Variants in RALB observed in about 807,000 individuals in gnomAD.
RALB encodes the protein ras-related protein Ral-B.
A neutral mutation model predicts 21.3 loss-of-function variants in RALB; 16 were observed. The observed-to-expected ratio is 0.75, with a 90% confidence interval of 0.51 to 1.14. The LOEUF is 1.14. Ranked by LOEUF, RALB falls within the 50% of genes most tolerant of loss-of-function variation. The probability of loss-of-function intolerance (pLI) is 0.00; values close to 1 mark genes in which losing one functional copy is unlikely to be tolerated. For missense variants in RALB, 161 were observed against 256.2 expected (o/e 0.63, Z 2.54); for synonymous variants, 93 against 96.1 (o/e 0.97, Z 0.19).
At position 120,253,099 on chromosome 2, in the gene RALB, G is replaced by A. The variant is rs564294029; in HGVS notation, c.-48+119G>A. On this transcript the variant is annotated intron_variant, in intron 1 of 4. Transcript: ENST00000272519. ...GCCGGGCTGTGGCCGGGCGGCGGCA[G>A]GACATGTCGCGCCCCGAGGCCGGCG... 60 of 711,026 alleles carry A rather than the reference G, an allele frequency of 8.4e-5. No individual in the cohort carries two copies. The African/African-American group carries it at 1.1e-3, about 13-fold the overall frequency. The allele number at this position is 711,026 out of a possible 1,614,324, so 44.0% of individuals were successfully genotyped here.
chr2:120,243,941 C>G (rs1308066093), intron 1 of RALB, among the ~76,000 whole-genome samples: 1 of 152,048 alleles, frequency 6.6e-6, no homozygotes, highest in Non-Finnish European at 1.5e-5. Flanking sequence ...CTACCCGAGA[C>G]TGGGTAATTT....
At chr2:120,278,183 G>A (rs1365264943) in intron 1 of RALB, among the ~76,000 whole-genome samples, 6 of 152,052 alleles carry the variant, frequency 3.9e-5, no homozygotes, top group Non-Finnish European at 8.8e-5. Flanking sequence ...GGGGTAGAGG[G>A]TAAGAGGGCA....
chr2:120,275,168 T>C (rs959790448), intron 1 of RALB, among the ~76,000 whole-genome samples: 22 of 152,244 alleles, frequency 1.4e-4, no homozygotes, highest in African/African-American at 5.3e-4. Context: ...ACAGATGGTG[T>C]GCTCCTTCAA....
intron 3 of RALB, among the ~76,000 whole-genome samples, chr2:120,288,582 A>T (rs2104661738): frequency 6.6e-6 from 1 of 152,260 alleles, no homozygotes; most frequent in East Asian, 1.9e-4. Context: ...TTTAGAATGT[A>T]TTGGCATATA....
intron 1 of RALB, among the ~76,000 whole-genome samples, chr2:120,277,201 ATG>A (rs1689818085): frequency 6.6e-6 from 1 of 152,038 alleles, no homozygotes; most frequent in South Asian, 2.1e-4. Flanking sequence ...AACCAGAGGG[ATG>A]TGTGGGGCTG....
At chr2:120,259,137 C>T (rs1483228546) in intron 1 of RALB, among the ~76,000 whole-genome samples, 2 of 152,112 alleles carry the variant, frequency 1.3e-5, no homozygotes, top group Non-Finnish European at 2.9e-5. Context: ...GCAGCGTGGA[C>T]CCAAAGAGTG....
chr2:120,285,330 C>T (rs891980143), intron 2 of RALB, among the ~76,000 whole-genome samples: 17 of 152,248 alleles, frequency 1.1e-4, no homozygotes, highest in African/African-American at 3.6e-4. Context: ...GATGATAATT[C>T]GGATTACAAC....
chr2:120,258,698 T>G (rs560584556), intron 1 of RALB, among the ~76,000 whole-genome samples: 1 of 152,242 alleles, frequency 6.6e-6, no homozygotes, highest in South Asian at 2.1e-4. Flanking sequence ...CTTTGAAATG[T>G]ATGTTGGAGA....
intron 1 of RALB, among the ~76,000 whole-genome samples, chr2:120,259,496 G>T (rs962624993): frequency 6.6e-6 from 1 of 152,062 alleles, no homozygotes; most frequent in Non-Finnish European, 1.5e-5. Context: ...GCTGATTGGT[G>T]TATTTACAAT....
At chr2:120,268,781 G>C (rs1689570424) in intron 1 of RALB, among the ~76,000 whole-genome samples, 1 of 152,174 alleles carries the variant, frequency 6.6e-6, no homozygotes, top group African/African-American at 2.4e-5. Flanking sequence ...TAAAGCGGAA[G>C]AAGAGGCCGA....
At chr2:120,251,674 T>G (rs376438193), upstream of RALB, among the ~76,000 whole-genome samples, 215 of 152,354 alleles carry the variant, frequency 1.4e-3, no homozygotes, top group African/African-American at 4.9e-3. Flanking sequence ...AGAAGCCTCC[T>G]ACCCCATCTC....
At chr2:120,265,188 C>T (rs1174306016) in intron 1 of RALB, among the ~76,000 whole-genome samples, 1 of 152,216 alleles carries the variant, frequency 6.6e-6, no homozygotes, top group Non-Finnish European at 1.5e-5. Context: ...TCGGGGTATA[C>T]TTACACAAGC....
At position 120,289,768 on chromosome 2, in the gene RALB, A is replaced by G. The variant is rs1322449315; in HGVS notation, c.501+11A>G. On this transcript the variant is annotated intron_variant, in intron 4 of 4. Coordinates refer to ENST00000272519, the MANE Select transcript of RALB (RefSeq NM_002881.3). Reference sequence around the variant, plus strand: ...GCCAACGTGGACAAGGTAGGCGTGAATTCTGTGTATTTCTCAGAAACAGAC... The same window carrying G: ...GCCAACGTGGACAAGGTAGGCGTGAGTTCTGTGTATTTCTCAGAAACAGAC... The G allele has an allele frequency of 6.3e-7, 1 of 1,587,168 alleles. No individual in the cohort carries two copies. Among genetic ancestry groups the G allele is most frequent in the Non-Finnish European group, 8.6e-7 (1 of 1,164,618 alleles).
chr2:120,249,139 A>G (rs1224554878), upstream of RALB, among the ~76,000 whole-genome samples: 1 of 150,006 alleles, frequency 6.7e-6, no homozygotes, highest in Non-Finnish European at 1.5e-5. Flanking sequence ...GGTTCAAGCA[A>G]CTCTCTTCTC....
chr2:120,265,343 C>A lies in RALB; in HGVS notation c.-48+12363C>A, dbSNP rs867790709. Reference sequence around the variant, plus strand: ...AAGTATTTGTGTAAACATATCGAAACGTAGGAAAGGCCCAGTAACAGTACA... The same window carrying A: ...AAGTATTTGTGTAAACATATCGAAAAGTAGGAAAGGCCCAGTAACAGTACA... On this transcript the variant is annotated intron_variant, in intron 1 of 4. Coordinates refer to ENST00000272519, the MANE Select transcript of RALB (RefSeq NM_002881.3). Among the ~76,000 whole-genome samples the A allele has an allele frequency of 3.3e-5, 5 of 152,166 alleles. 1 individual carries two copies. The South Asian group carries it at 1.0e-3, about 32-fold the overall frequency.
At chr2:120,251,359 T>A (rs150339647), upstream of RALB, among the ~76,000 whole-genome samples, 215 of 152,286 alleles carry the variant, frequency 1.4e-3, no homozygotes, top group African/African-American at 4.9e-3. Flanking sequence ...CTGGTGGCAA[T>A]CACTAATGTA....
chr2:120,286,242 C>CT (rs1690131274), intron 3 of RALB, among the ~76,000 whole-genome samples, 160 bp downstream of exon 3: 1 of 152,282 alleles, frequency 6.6e-6, no homozygotes, highest in East Asian at 1.9e-4. Flanking sequence ...CTTTCTGAAT[C>CT]TTGGCACATT....
At chr2:120,240,286 TA>T (rs1347622160) in intron 1 of RALB, among the ~76,000 whole-genome samples, 176 of 142,234 alleles carry the variant, frequency 1.2e-3, no homozygotes, top group African/African-American at 4.4e-3. Flanking sequence ...TTTTTATTTT[TA>T]TTTTTATTTT....
rs778944283 is a variant in RALB at position 120,285,912 on chromosome 2, T to C, written c.153T>C (p.Tyr51=). 2 of 1,613,962 alleles carry C rather than the reference T, an allele frequency of 1.2e-6. No homozygotes were observed. The highest frequency in any genetic ancestry group is 1.7e-4 in the Middle Eastern group (1 of 6,056). Residue 51 remains tyrosine, a synonymous_variant, in exon 3 of 5, where the codon TAT becomes TAC. Coordinates refer to ENST00000272519, the MANE Select transcript of RALB (RefSeq NM_002881.3). The stretch of plus-strand genomic sequence containing the variant: ...ATGAACCTACCAAAGCTGACAGTTA[T>C]AGAAAGAAAGTGGTTCTTGATGGGG... The part of the protein sequence containing the change: ...EDYEPTKADS[Y]RKKVVLDGEE...
Sources: gnomAD v4.1 joint callset for allele counts (sites outside exome capture counted in the v4.1 genomes callset) on GRCh38, gnomAD v4.1.1 for gene constraint, MANE v1.5 for transcripts, NCBI Gene and HGNC (gene_info 2026-07-23, HGNC 2026-07-21) for gene names.